GSG1L: variants seen among roughly 807,000 people sequenced by gnomAD.
The protein encoded by GSG1L is germ cell-specific gene 1-like protein.
In GSG1L, 24 loss-of-function variants were observed where a neutral mutation model predicts 42.1. That is an observed-to-expected ratio of 0.57 (90% CI 0.41 to 0.80). The LOEUF (loss-of-function observed/expected upper bound fraction) is 0.80, where lower values mean the gene tolerates loss of function less well. Among genes scored for constraint, GSG1L ranks in the 30% least tolerant of loss-of-function variants. The probability of loss-of-function intolerance (pLI) is 0.00; values close to 1 mark genes in which losing one functional copy is unlikely to be tolerated. For missense variants in GSG1L, 445 were observed against 472.2 expected, an observed-to-expected ratio of 0.94 and a Z score of 0.53; for synonymous variants, 215 against 203.5, an observed-to-expected ratio of 1.06 and a Z score of -0.48.
chr16:27,899,337 G>C (rs2084229334), intron 2 of GSG1L, among the ~76,000 whole-genome samples: 1 of 152,206 alleles, frequency 6.6e-6, no homozygotes, highest in African/African-American at 2.4e-5. Context: ...GGGACTTTCT[G>C]TGTGGCCTCA....
intron 2 of GSG1L, among the ~76,000 whole-genome samples, chr16:27,910,452 C>T (rs2084375299): frequency 6.6e-6 from 1 of 152,176 alleles, no homozygotes; most frequent in Non-Finnish European, 1.5e-5. Flanking sequence ...ATGTGATTAT[C>T]CCCATTTTAT....
Position 27,791,313 on chromosome 16 carries a change from C to A in GSG1L, c.*57G>T. 1 of 1,159,442 alleles carries A rather than the reference C, an allele frequency of 8.6e-7. No individual in the cohort carries two copies. The highest frequency in any genetic ancestry group is 1.2e-6 in the Non-Finnish European group (1 of 865,858). The allele number at this position is 1,159,442 out of a possible 1,614,324, so 71.8% of individuals were successfully genotyped here. A position where few individuals can be genotyped will look rare whatever the true frequency, so the allele number is the denominator to read the frequency against. Reference sequence around the variant, plus strand: ...TGGGGGCACCACTCTGGTGGTCTTGCAGCAGGGGCTGGTGCCAGCGATGGC... The same window carrying A: ...TGGGGGCACCACTCTGGTGGTCTTGAAGCAGGGGCTGGTGCCAGCGATGGC... On this transcript the variant is annotated 3_prime_UTR_variant, in exon 7 of 7. Coordinates refer to ENST00000447459, the MANE Select transcript of GSG1L (RefSeq NM_001109763.2).
At chr16:27,800,007 A>C (rs575724765) in intron 6 of GSG1L, among the ~76,000 whole-genome samples, 2 of 152,214 alleles carry the variant, frequency 1.3e-5, no homozygotes, top group Admixed American at 1.3e-4. Context: ...AGACCTCCTG[A>C]ATCAGAAATT....
At chr16:28,005,488 G>A (rs1015952176) in intron 1 of GSG1L, among the ~76,000 whole-genome samples, 2 of 152,106 alleles carry the variant, frequency 1.3e-5, no homozygotes, top group Non-Finnish European at 2.9e-5. Flanking sequence ...ATTTTAGGAG[G>A]ACATACTCCA....
Position 28,063,321 on chromosome 16 carries a change from C to T in GSG1L, c.104G>A (p.Gly35Asp). 1 of 1,401,046 alleles carries T rather than the reference C, an allele frequency of 7.1e-7. No individual in the cohort carries two copies. The allele number at this position is 1,401,046 out of a possible 1,614,324, so 86.8% of individuals were successfully genotyped here. A position where few individuals can be genotyped will look rare whatever the true frequency, so the allele number is the denominator to read the frequency against. ...TAFLTTHWCQGTQRVPKPGCG... is the reference protein window; with the variant it reads ...TAFLTTHWCQDTQRVPKPGCG... ...GCCCGGCTTGGGGACCCGCTGCGTGCCCTGGCACCAGTGCGTGGTGAGGAA... is the reference window on the plus strand; with the variant it reads ...GCCCGGCTTGGGGACCCGCTGCGTGTCCTGGCACCAGTGCGTGGTGAGGAA... Residue 35 changes from glycine (G) to aspartate (D), a missense_variant, in exon 1 of 7, where the codon GGC becomes GAC. Gly to Asp is a moderately conservative substitution (Grantham distance 94). This residue lies in a region of GSG1L where 156 missense variants were observed against 128.3 expected (regional missense o/e 1.22). Transcript: ENST00000447459. The surrounding 1 kb of genome is among the most constrained non-coding windows in gnomAD (Gnocchi z 5.8).
intron 2 of GSG1L, among the ~76,000 whole-genome samples, chr16:27,903,495 C>T (rs1172678548): frequency 6.6e-6 from 1 of 152,174 alleles, no homozygotes; most frequent in African/African-American, 2.4e-5. Flanking sequence ...CCCCGGGTCA[C>T]TTTCCTCTGA....
intron 2 of GSG1L, among the ~76,000 whole-genome samples, chr16:27,929,607 TG>T (rs1363421426): frequency 9.9e-5 from 15 of 152,240 alleles, no homozygotes; most frequent in Non-Finnish European, 1.8e-4. Context: ...GTTTGAGTCC[TG>T]GATCCAGCCA....
chr16:27,946,538 C>T (rs1596635780), intron 2 of GSG1L, among the ~76,000 whole-genome samples: 1 of 136,178 alleles, frequency 7.3e-6, no homozygotes, highest in Non-Finnish European at 1.6e-5. Flanking sequence ...GAGCAAGACT[C>T]TGTCTCAAAA....
At chr16:27,840,031 TC>T (rs1227057887) in intron 4 of GSG1L, among the ~76,000 whole-genome samples, 1 of 114,350 alleles carries the variant, frequency 8.7e-6, no homozygotes, top group South Asian at 2.9e-4. Context: ...GTAACCTTAA[TC>T]TTTTTTTTTT....
chr16:27,910,915 A>G (rs1237931126), intron 2 of GSG1L, among the ~76,000 whole-genome samples: 1 of 152,206 alleles, frequency 6.6e-6, no homozygotes, highest in African/African-American at 2.4e-5. Flanking sequence ...CGGGAGGCTG[A>G]GGCAGGAGGA....
chr16:28,055,992 G>A lies in GSG1L; in HGVS notation c.349+7084C>T, dbSNP rs555194372. ...CCTTGGAAATAAACCAAGAGAGGGA[G>A]CAGGGAAGAAAGAAGAACATCTGAC... On this transcript the variant is annotated intron_variant, in intron 1 of 6. Transcript: ENST00000447459. Among the ~76,000 whole-genome samples, 306 of 152,240 alleles carry A rather than the reference G, an allele frequency of 2.0e-3. 2 individuals carry two copies. The highest frequency in any genetic ancestry group is 7.0e-3 in the African/African-American group (291 of 41,524).
intron 1 of GSG1L, among the ~76,000 whole-genome samples, chr16:28,029,565 ATGGG>A (rs1436761702): frequency 1.0e-3 from 100 of 99,684 alleles, no homozygotes; most frequent in African/African-American, 3.3e-3. Context: ...GGATGGATGC[ATGGG>A]TGGATGGATG....
chr16:28,049,476 T>C (rs934690989), intron 1 of GSG1L, among the ~76,000 whole-genome samples: 1 of 151,310 alleles, frequency 6.6e-6, no homozygotes, highest in African/African-American at 2.4e-5. Flanking sequence ...AGCCCCGAAG[T>C]TCAAGACCAG....
chr16:27,860,977 C>T (rs1449950491), intron 3 of GSG1L, among the ~76,000 whole-genome samples: 2 of 152,222 alleles, frequency 1.3e-5, no homozygotes, highest in Non-Finnish European at 2.9e-5. Flanking sequence ...CTCTCCTGGG[C>T]CAGGGTGGGC....
At chr16:27,941,630 G>A (rs1372002975) in intron 2 of GSG1L, among the ~76,000 whole-genome samples, 2 of 149,146 alleles carry the variant, frequency 1.3e-5, no homozygotes, top group South Asian at 2.2e-4. Flanking sequence ...CCAAGATTGT[G>A]CCACTGCACT....
chr16:28,018,651 A>G (rs2085806128), intron 1 of GSG1L, among the ~76,000 whole-genome samples: 1 of 152,114 alleles, frequency 6.6e-6, no homozygotes, highest in Non-Finnish European at 1.5e-5. Context: ...AGAAGAGGGA[A>G]CGGCCATTGT....
chr16:27,886,228 T>TC (rs2084027419), intron 2 of GSG1L, among the ~76,000 whole-genome samples: 1 of 152,082 alleles, frequency 6.6e-6, no homozygotes, highest in South Asian at 2.1e-4. Flanking sequence ...TCACTTGAGG[T>TC]CAGGAGTTCG....
chr16:27,948,537 C>T (rs546377807), intron 2 of GSG1L, among the ~76,000 whole-genome samples: 4 of 151,088 alleles, frequency 2.6e-5, no homozygotes, highest in Admixed American at 2.0e-4. Context: ...CCACGCCCAG[C>T]TAATTTTTGT....
At chr16:27,801,090 G>C (rs2082876074) in intron 6 of GSG1L, among the ~76,000 whole-genome samples, 2 of 152,170 alleles carry the variant, frequency 1.3e-5, no homozygotes, top group Admixed American at 6.5e-5. Context: ...CATCCAGGCA[G>C]AGAGAACAGC....
Sources: gnomAD v4.1 joint callset for allele counts (sites outside exome capture counted in the v4.1 genomes callset) on GRCh38, gnomAD v4.1.1 for gene constraint, gnomAD v4.1.1 regional missense constraint, Gnocchi (gnomAD v3.1) non-coding constraint, MANE v1.5 for transcripts, NCBI Gene and HGNC (gene_info 2026-07-23, HGNC 2026-07-21) for gene names.